Variants in USH2A observed in about 807,000 individuals in gnomAD.
The protein encoded by USH2A is Usher syndrome 2A (autosomal recessive, mild).
Under a neutral mutation model 538.9 loss-of-function variants are expected in USH2A, and 443 were observed. The observed-to-expected ratio is 0.82, with a 90% CI of 0.76 to 0.89. The LOEUF (loss-of-function observed/expected upper bound fraction) is 0.89. Ranked by LOEUF, USH2A falls within the 40% of genes least tolerant of loss-of-function variation. The probability of loss-of-function intolerance (pLI) is 0.00; values close to 1 mark genes in which losing one functional copy is unlikely to be tolerated. For synonymous variants in USH2A, 2,413 were observed against 2,273.5 expected, an observed-to-expected ratio of 1.06 and a Z score of -1.75; for missense variants, 6,633 against 6,324.8, an observed-to-expected ratio of 1.05 and a Z score of -1.65.
At chr1:215,910,718 A>G (rs1204979804) in intron 38 of USH2A, among the ~76,000 whole-genome samples, 1 of 151,546 alleles carries the variant, frequency 6.6e-6, no homozygotes, top group African/African-American at 2.4e-5. Context: ...GTATCTTCTT[A>G]AGTATCACTA....
Position 216,061,426 on chromosome 1 carries a change from T to G in USH2A, c.6049+8675A>C, listed in dbSNP as rs371171952. Among the ~76,000 whole-genome samples the G allele has an allele frequency of 3.9e-4, 60 of 152,340 alleles. 1 individual carries two copies. In the East Asian group the frequency reaches 8.1e-3, roughly 21 times the overall value. The stretch of plus-strand genomic sequence containing the variant: ...TTATTATTTTTTATATACATTTAGT[T>G]TTTTATTTCCTAACATTTTTGAGTT... On this transcript the variant is annotated intron_variant, in intron 30 of 71. Transcript: ENST00000307340.
chr1:215,838,066 T>G lies in USH2A; in HGVS notation c.9296A>C (p.Asn3099Thr). Residue 3099 changes from asparagine (N) to threonine (T), a missense_variant, in exon 47 of 72, where the codon AAT becomes ACT. Asn to Thr is a moderately conservative substitution (Grantham distance 65). Coordinates refer to ENST00000307340, the MANE Select transcript of USH2A (RefSeq NM_206933.4). ...TTCCACAGTGGTAATTTGGGTTCCA[T>G]TGCTTTTCACGCAGGCATATATTGT... is the stretch of plus-strand genomic sequence containing the variant. ...VCTIYACVKS[N>T]GTQITTVEDT... The G allele has an allele frequency of 6.2e-7, 1 of 1,613,972 alleles. No homozygotes were observed. The highest frequency in any genetic ancestry group is 8.5e-7 in the Non-Finnish European group (1 of 1,179,916).
At chr1:216,193,982 C>G (rs2034778822) in intron 19 of USH2A, 1 of 152,198 alleles carries the variant, frequency 6.6e-6, no homozygotes, top group African/African-American at 2.4e-5. Context: ...GCTGCTTCCA[C>G]TATTGCATCA....
intron 61 of USH2A, among the ~76,000 whole-genome samples, chr1:215,713,627 AT>A (rs900379855): frequency 2.0e-5 from 3 of 152,242 alleles, no homozygotes; most frequent in Admixed American, 6.5e-5. Flanking sequence ...AATTTCACCC[AT>A]TGTTCAAAGC....
intron 20 of USH2A, among the ~76,000 whole-genome samples, chr1:216,179,073 T>C (rs1416573113): frequency 2.6e-5 from 4 of 152,120 alleles, no homozygotes; most frequent in Non-Finnish European, 4.4e-5. Context: ...GTCCCATTTG[T>C]TTGAAAGTTG....
chr1:215,940,936 A>C lies in USH2A; in HGVS notation c.7121-6141T>G, dbSNP rs568522551. 3.9e-5 allele frequency among the ~76,000 whole-genome samples: 6 copies of C among 152,054 alleles called. No individual in the cohort carries two copies. The East Asian group carries it at 1.2e-3, about 29-fold the overall frequency. On this transcript the variant is annotated intron_variant, in intron 37 of 71. Transcript: ENST00000307340. The stretch of plus-strand genomic sequence containing the variant: ...TTGTGCCCATACAAGAGCAATGACA[A>C]CTCTATAGATATCGAGAATCTTTAT...
At chr1:215,700,735 T>G (rs7529710) in intron 61 of USH2A, among the ~76,000 whole-genome samples, 3,769 of 152,294 alleles carry the variant, frequency 0.025, 145 homozygotes, top group African/African-American at 0.086. Context: ...TCTATTTATT[T>G]TGTTAATCTT....
chr1:216,399,433 G>C (rs2039271012), intron 3 of USH2A, among the ~76,000 whole-genome samples: 1 of 152,084 alleles, frequency 6.6e-6, no homozygotes, highest in Non-Finnish European at 1.5e-5. Context: ...TGTGTGCTAG[G>C]TGTTAGGGCC....
rs189613623 is a variant in USH2A at position 215,990,446 on chromosome 1, G to T, written c.6805+2574C>A. On this transcript the variant is annotated intron_variant, in intron 35 of 71. Coordinates refer to ENST00000307340, the MANE Select transcript of USH2A (RefSeq NM_206933.4). ...AACATTAAATGAATTAAATATTATT[G>T]CGTACCAATAAAAAGTAGAACATTG... Among the ~76,000 whole-genome samples, 156 of 152,214 alleles carry T rather than the reference G, an allele frequency of 1.0e-3. 1 individual carries two copies. Among genetic ancestry groups the T allele is most frequent in the African/African-American group, 3.6e-3 (149 of 41,522 alleles).
chr1:215,702,649 T>C (rs1036057243), intron 61 of USH2A, among the ~76,000 whole-genome samples: 1 of 151,984 alleles, frequency 6.6e-6, no homozygotes, highest in Admixed American at 6.6e-5. Context: ...TCTAGTGCTG[T>C]GTTTTTCTGC....
intron 35 of USH2A, among the ~76,000 whole-genome samples, chr1:215,986,316 T>TC (rs771699881): frequency 9.7e-6 from 1 of 102,940 alleles, no homozygotes; most frequent in Non-Finnish European, 2.0e-5. Flanking sequence ...TTTTCTTTTT[T>TC]TTTTTTTTTT....
At chr1:215,648,488 T>A in intron 66 of USH2A, 40 bp downstream of exon 66, 1 of 1,599,722 alleles carries the variant, frequency 6.3e-7, no homozygotes, top group Non-Finnish European at 8.6e-7. Context: ...TCTGTACACA[T>A]GCCTTGTTAG....
intron 64 of USH2A, among the ~76,000 whole-genome samples, chr1:215,662,478 G>T (rs964539387): frequency 2.0e-5 from 3 of 152,150 alleles, no homozygotes; most frequent in African/African-American, 7.2e-5. Context: ...AAGTCCTAAG[G>T]GTTGCCATGA....
chr1:215,743,137 T>C (rs1361406338), intron 59 of USH2A, 40 bp downstream of exon 59: 3 of 1,599,938 alleles, frequency 1.9e-6, no homozygotes, highest in Admixed American at 3.4e-5. Context: ...TGAAATACTT[T>C]TTCATAAAAG....
intron 30 of USH2A, among the ~76,000 whole-genome samples, chr1:216,066,241 T>C (rs1415247892): frequency 6.6e-6 from 1 of 151,832 alleles, no homozygotes; most frequent in South Asian, 2.1e-4. Flanking sequence ...GAGGCCAAGG[T>C]GGGTGAATCA....
chr1:215,673,547 A>G (rs1046469661), intron 63 of USH2A, among the ~76,000 whole-genome samples: 1 of 152,190 alleles, frequency 6.6e-6, no homozygotes, highest in African/African-American at 2.4e-5. Context: ...CTAGGAAAAC[A>G]TGAGCTAGCA....
chr1:216,206,619 T>A (rs1057317235), intron 16 of USH2A, among the ~76,000 whole-genome samples: 2 of 152,140 alleles, frequency 1.3e-5, no homozygotes, highest in African/African-American at 4.8e-5. Context: ...GCCTGGGGAT[T>A]GGGGACCCCT....
intron 27 of USH2A, among the ~76,000 whole-genome samples, chr1:216,076,291 C>T (rs1177941007): frequency 2.0e-5 from 3 of 152,114 alleles, no homozygotes; most frequent in Middle Eastern, 3.2e-3. Context: ...GATGATACTA[C>T]AGTAATAAAA....
In USH2A at chr1:215,733,258, C is replaced by A. The variant is rs531626701; in HGVS notation, c.11712-4874G>T. ...AAACAACCAGATCTCCCATCATGAACAAACTGAGCAAGAACACACTTATCA... is the reference window on the plus strand; with the variant it reads ...AAACAACCAGATCTCCCATCATGAAAAAACTGAGCAAGAACACACTTATCA... On this transcript the variant is annotated intron_variant, in intron 60 of 71. Transcript: ENST00000307340. Among the ~76,000 whole-genome samples, 7 of 152,148 alleles carry A rather than the reference C, an allele frequency of 4.6e-5. No individual in the cohort carries two copies. The South Asian group carries it at 1.5e-3, about 32-fold the overall frequency.
Sources: gnomAD v4.1 joint callset for allele counts (sites outside exome capture counted in the v4.1 genomes callset) on GRCh38, gnomAD v4.1.1 for gene constraint, MANE v1.5 for transcripts, NCBI Gene and HGNC (gene_info 2026-07-23, HGNC 2026-07-21) for gene names.